The following LRRC4C variants were observed in gnomAD, a reference collection of about 807,000 sequenced individuals.
LRRC4C encodes the protein leucine-rich repeat-containing protein 4C.
LRRC4C carries 5 observed loss-of-function variants against 33.6 expected under a neutral mutation model. The observed-to-expected ratio is 0.15, with a 90% confidence interval of 0.08 to 0.31. LRRC4C has a LOEUF of 0.31. LRRC4C is among the 10% of genes least tolerant of loss of function. The pLI is 1.00. For synonymous variants in LRRC4C, 329 were observed against 302.0 expected, an observed-to-expected ratio of 1.09 and a Z score of -0.93; for missense variants, 560 against 796.7, an observed-to-expected ratio of 0.70 and a Z score of 3.58.
intron 2 of LRRC4C, among the ~76,000 whole-genome samples, chr11:40,793,331 T>C (rs1185417258): frequency 6.6e-6 from 1 of 152,176 alleles, no homozygotes; most frequent in Non-Finnish European, 1.5e-5. Context: ...GTAAGCTTTG[T>C]TAATGTCTGC....
At chr11:40,397,786 G>A (rs1371216278) in intron 3 of LRRC4C, among the ~76,000 whole-genome samples, 1 of 152,056 alleles carries the variant, frequency 6.6e-6, no homozygotes, top group Non-Finnish European at 1.5e-5. Flanking sequence ...TGTCAGACAA[G>A]TCAGACAGAA....
intron 2 of LRRC4C, among the ~76,000 whole-genome samples, chr11:40,662,843 T>C (rs1050339697): frequency 6.6e-6 from 1 of 152,204 alleles, no homozygotes; most frequent in African/African-American, 2.4e-5. Context: ...TGTGTGAAGA[T>C]TTAGTTGACA....
At chr11:41,367,677 C>T (rs774535722) in intron 1 of LRRC4C, among the ~76,000 whole-genome samples, 11 of 151,958 alleles carry the variant, frequency 7.2e-5, no homozygotes, top group East Asian at 1.9e-4. Flanking sequence ...CTTCTTCATA[C>T]GGTTTTCTTT....
intron 1 of LRRC4C, among the ~76,000 whole-genome samples, chr11:41,114,451 T>C (rs1388014671): frequency 6.6e-6 from 1 of 152,052 alleles, no homozygotes; most frequent in East Asian, 1.9e-4. Context: ...AAGGATGTCC[T>C]GAAGACTTCA....
intron 1 of LRRC4C, among the ~76,000 whole-genome samples, chr11:41,038,414 T>C (rs1235538694): frequency 6.6e-6 from 1 of 152,206 alleles, no homozygotes; most frequent in Non-Finnish European, 1.5e-5. Flanking sequence ...ATTTACATTT[T>C]CAATGCTAAT....
At chr11:40,425,604 G>A (rs1437144029) in intron 3 of LRRC4C, among the ~76,000 whole-genome samples, 1 of 152,152 alleles carries the variant, frequency 6.6e-6, no homozygotes, top group African/African-American at 2.4e-5. Flanking sequence ...AGTTAAGAAT[G>A]GAAGAGAAAT....
Position 40,115,088 on chromosome 11 carries a change from C to T in LRRC4C, c.1205G>A (p.Arg402Gln), listed in dbSNP as rs763416398. The change falls in exon 7 of 7, where the codon CGG (arginine) becomes CAG (glutamine). Residue 402 changes from arginine to glutamine, a missense_variant. By Grantham distance (43) the Arg-to-Gln change is conservative. This residue lies in a region of LRRC4C where 455 missense variants were observed against 643.8 expected (regional missense o/e 0.71). Coordinates refer to ENST00000528697, the MANE Select transcript of LRRC4C (RefSeq NM_001258419.2). The surrounding 1 kb of genome is among the most constrained non-coding windows in gnomAD (Gnocchi z 6.7). ...TVMTHGAYKV[R>Q]IAVLSDGTLN... ...CGTACCATCACTGAGCACAGCTATC[C>T]GCACTTTGTACGCCCCATGTGTCAT... The T allele has an allele frequency of 1.7e-5, 27 of 1,614,052 alleles. No homozygotes were observed. The highest frequency in any genetic ancestry group is 8.9e-5 in the East Asian group (4 of 44,892).
intron 1 of LRRC4C, among the ~76,000 whole-genome samples, chr11:41,332,055 T>C (rs536824892): frequency 3.3e-5 from 5 of 152,284 alleles, no homozygotes; most frequent in African/African-American, 4.8e-5. Context: ...TAAAATCCAT[T>C]CAATGAGAGA....
intron 5 of LRRC4C, among the ~76,000 whole-genome samples, chr11:40,200,012 T>C (rs1862576840): frequency 6.6e-6 from 1 of 151,656 alleles, no homozygotes; most frequent in African/African-American, 2.4e-5. Flanking sequence ...CCTTGGTCAT[T>C]CTGTGGCTGT....
chr11:40,118,181 A>C (rs1855572954), intron 6 of LRRC4C, among the ~76,000 whole-genome samples: 1 of 148,280 alleles, frequency 6.7e-6, no homozygotes, highest in Admixed American at 6.8e-5. Context: ...ATAATAATGT[A>C]ATATTAAAAA....
intron 3 of LRRC4C, among the ~76,000 whole-genome samples, chr11:40,530,378 A>T (rs1052700242): frequency 6.6e-6 from 1 of 152,120 alleles, no homozygotes; most frequent in African/African-American, 2.4e-5. Context: ...TTTTACAGTC[A>T]GGAAGATGAG....
At chr11:40,526,377 C>A (rs1298293921) in intron 3 of LRRC4C, among the ~76,000 whole-genome samples, 1 of 152,040 alleles carries the variant, frequency 6.6e-6, no homozygotes, top group Non-Finnish European at 1.5e-5. Flanking sequence ...CCCTGAAATT[C>A]ATATGAAATT....
chr11:40,512,894 A>G (rs1955388076), intron 3 of LRRC4C, among the ~76,000 whole-genome samples: 2 of 151,952 alleles, frequency 1.3e-5, no homozygotes, highest in East Asian at 3.9e-4. Context: ...GACTAAGCAC[A>G]CTCCTGTGTA....
chr11:40,257,939 C>G (rs1350114966), intron 4 of LRRC4C, among the ~76,000 whole-genome samples: 1 of 152,158 alleles, frequency 6.6e-6, no homozygotes, highest in Non-Finnish European at 1.5e-5. Context: ...GTATAGATAA[C>G]TATTGCTAAC....
At chr11:41,079,543 T>C in intron 1 of LRRC4C, among the ~76,000 whole-genome samples, 1 of 152,124 alleles carries the variant, frequency 6.6e-6, no homozygotes. Context: ...AAAGATGTAT[T>C]GCAATATCTG....
At chr11:41,354,783 A>G (rs1293783215) in intron 1 of LRRC4C, among the ~76,000 whole-genome samples, 1 of 152,080 alleles carries the variant, frequency 6.6e-6, no homozygotes, top group African/African-American at 2.4e-5. Context: ...TAAATAATGG[A>G]ATAACTGGCT....
chr11:40,243,013 C>T (rs907117818), intron 4 of LRRC4C, among the ~76,000 whole-genome samples: 1 of 152,078 alleles, frequency 6.6e-6, no homozygotes, highest in African/African-American at 2.4e-5. Flanking sequence ...AATAAACATA[C>T]ATTTCTTGCT....
At chr11:41,416,311 T>A (rs531568998) in intron 1 of LRRC4C, among the ~76,000 whole-genome samples, 64 of 152,090 alleles carry the variant, frequency 4.2e-4, no homozygotes, top group Middle Eastern at 3.4e-3. Flanking sequence ...TCCAACAAAC[T>A]GTTATGTTGA....
chr11:41,200,706 C>T (rs1267575856), intron 1 of LRRC4C, among the ~76,000 whole-genome samples: 2 of 152,142 alleles, frequency 1.3e-5, no homozygotes, highest in African/African-American at 4.8e-5. Context: ...CTGTGCTGAA[C>T]TGTTATTCTC....
Sources: gnomAD v4.1 joint callset for allele counts (sites outside exome capture counted in the v4.1 genomes callset) on GRCh38, gnomAD v4.1.1 for gene constraint, gnomAD v4.1.1 regional missense constraint, Gnocchi (gnomAD v3.1) non-coding constraint, MANE v1.5 for transcripts, NCBI Gene and HGNC (gene_info 2026-07-23, HGNC 2026-07-21) for gene names.